Variants in RPS6KC1 observed in about 807,000 individuals in gnomAD.
The protein encoded by RPS6KC1 is ribosomal protein S6 kinase C1.
A neutral mutation model predicts 103.8 loss-of-function variants in RPS6KC1; 54 were observed. That is an observed-to-expected ratio of 0.52 (90% confidence interval 0.42 to 0.65). RPS6KC1 has a LOEUF of 0.65. RPS6KC1 is among the 30% of genes least tolerant of loss of function. The probability of loss-of-function intolerance (pLI) is 0.00; values close to 1 mark genes in which losing one functional copy is unlikely to be tolerated. For missense variants in RPS6KC1, 1,151 were observed against 1,253.8 expected (o/e 0.92, Z 1.24); for synonymous variants, 439 against 438.7 (o/e 1.00, Z -0.01).
chr1:213,666,420 A>C, the RPS6KC1 span, among the ~76,000 whole-genome samples: 1 of 152,202 alleles, frequency 6.6e-6, no homozygotes, highest in Non-Finnish European at 1.5e-5. Context: ...AGTATCCCAG[A>C]CATATTCTAA....
At chr1:213,634,861 T>G in the RPS6KC1 span, among the ~76,000 whole-genome samples, 5 of 150,294 alleles carry the variant, frequency 3.3e-5, no homozygotes, top group African/African-American at 7.3e-5. Context: ...ATCAACAAAA[T>G]TGATAGGCCC....
chr1:213,830,524 A>G, the RPS6KC1 span, among the ~76,000 whole-genome samples: 1 of 152,148 alleles, frequency 6.6e-6, no homozygotes. Context: ...TAATCCCGGT[A>G]TAAAGACTGC....
the RPS6KC1 span, among the ~76,000 whole-genome samples, chr1:213,384,605 G>A: frequency 6.6e-6 from 1 of 152,122 alleles, no homozygotes. Context: ...TTTATCGAAG[G>A]CCGACTGTCA....
At chr1:213,620,219 T>C in the RPS6KC1 span, among the ~76,000 whole-genome samples, 7 of 152,342 alleles carry the variant, frequency 4.6e-5, no homozygotes, top group African/African-American at 1.7e-4. Context: ...CCCGATATTA[T>C]GGGTCAGAAA....
At chr1:213,147,025 C>T (rs1333603799) in intron 6 of RPS6KC1, among the ~76,000 whole-genome samples, 2 of 151,846 alleles carry the variant, frequency 1.3e-5, no homozygotes, top group African/African-American at 2.4e-5. Context: ...TATCTTATGC[C>T]CGTTTTTTGA....
chr1:213,779,848 G>A, the RPS6KC1 span, among the ~76,000 whole-genome samples: 151 of 152,274 alleles, frequency 9.9e-4, 1 homozygote, highest in African/African-American at 3.4e-3. Flanking sequence ...AAATATAGAG[G>A]TATCAGATCA....
intron 8 of RPS6KC1, among the ~76,000 whole-genome samples, chr1:213,177,851 G>A (rs2091976864): frequency 6.6e-6 from 1 of 152,066 alleles, no homozygotes; most frequent in East Asian, 1.9e-4. Flanking sequence ...TATGCTATAA[G>A]TGTGAGTAAG....
the RPS6KC1 span, among the ~76,000 whole-genome samples, chr1:213,462,658 A>G: frequency 6.6e-6 from 1 of 152,160 alleles, no homozygotes; most frequent in Non-Finnish European, 1.5e-5. Context: ...ACAGGAACAG[A>G]AAACACTGCA....
chr1:213,605,086 C>A, the RPS6KC1 span, among the ~76,000 whole-genome samples: 1 of 152,116 alleles, frequency 6.6e-6, no homozygotes, highest in Non-Finnish European at 1.5e-5. Flanking sequence ...ATCAGAAGTT[C>A]TCAAACTTTC....
At chr1:213,812,616 A>G in the RPS6KC1 span, among the ~76,000 whole-genome samples, 4 of 152,146 alleles carry the variant, frequency 2.6e-5, no homozygotes, top group Admixed American at 1.3e-4. Context: ...CCCATTGGAC[A>G]CCCTTGAGGA....
At chr1:213,439,041 G>T in the RPS6KC1 span, among the ~76,000 whole-genome samples, 34 of 151,830 alleles carry the variant, frequency 2.2e-4, no homozygotes, top group Non-Finnish European at 4.1e-4. Context: ...TGATCCACCC[G>T]CCTCGGCCTC....
rs117064022 is a variant in RPS6KC1, at chr1:213,252,655, A to G, written c.2912-8903A>G. Among the ~76,000 whole-genome samples, 79 of 152,228 alleles carry G rather than the reference A, an allele frequency of 5.2e-4. No individual in the cohort carries two copies. The East Asian group carries it at 0.015, about 28-fold the overall frequency. ...TGTTCCTTATGGTTTTTTTCCCCCA[A>G]AGAGAACTTTGGAATCCTTAAGGTC... On this transcript the variant is annotated intron_variant, in intron 12 of 14. Transcript: ENST00000366960.
At chr1:213,267,409 C>G (rs940820185) in intron 14 of RPS6KC1, among the ~76,000 whole-genome samples, 1 of 151,946 alleles carries the variant, frequency 6.6e-6, no homozygotes, top group African/African-American at 2.4e-5. Flanking sequence ...AACAAACAAT[C>G]CAACAGCAAT....
At chr1:213,070,462 T>G (rs1436609267) in intron 1 of RPS6KC1, among the ~76,000 whole-genome samples, 1 of 152,242 alleles carries the variant, frequency 6.6e-6, no homozygotes, top group Non-Finnish European at 1.5e-5. Flanking sequence ...CAAATTAAAT[T>G]TAACAGAGTT....
the RPS6KC1 span, among the ~76,000 whole-genome samples, chr1:213,637,471 C>G: frequency 1.3e-5 from 2 of 152,026 alleles, no homozygotes; most frequent in Admixed American, 6.6e-5. Flanking sequence ...ATGTTGGTGA[C>G]GAGTTGATGG....
At chr1:213,489,121 C>T in the RPS6KC1 span, among the ~76,000 whole-genome samples, 1 of 152,156 alleles carries the variant, frequency 6.6e-6, no homozygotes, top group East Asian at 1.9e-4. Context: ...GAAAAAAAAT[C>T]TCAAGAAGTC....
At chr1:213,149,495 T>C (rs1364450710) in intron 6 of RPS6KC1, among the ~76,000 whole-genome samples, 1 of 152,250 alleles carries the variant, frequency 6.6e-6, no homozygotes, top group Non-Finnish European at 1.5e-5. Context: ...TGTTCCATTG[T>C]GGTCAGAGAA....
the RPS6KC1 span, among the ~76,000 whole-genome samples, chr1:213,745,361 C>T: frequency 6.8e-6 from 1 of 147,282 alleles, no homozygotes; most frequent in African/African-American, 2.5e-5. Context: ...CCTCTGGGGG[C>T]TGTTTGTGGA....
the RPS6KC1 span, among the ~76,000 whole-genome samples, chr1:213,678,005 CAA>C: frequency 6.5e-4 from 92 of 141,144 alleles, no homozygotes; most frequent in Admixed American, 1.1e-3. Flanking sequence ...GACTCTGTCT[CAA>C]AAAAAAAAAA....
Sources: allele counts gnomAD v4.1 joint callset (sites outside exome capture counted in the v4.1 genomes callset), GRCh38; gene constraint gnomAD v4.1.1; transcripts MANE v1.5; gene names NCBI Gene and HGNC (gene_info 2026-07-23, HGNC 2026-07-21).